The following PDILT variants were observed in gnomAD, a reference collection of about 807,000 sequenced individuals.
The protein encoded by PDILT is protein disulfide isomerase like, testis expressed, also known as protein disulfide-isomerase-like protein of the testis.
Under a neutral mutation model 53.7 loss-of-function variants are expected in PDILT, and 43 were observed. That is an observed-to-expected ratio of 0.80 (90% CI 0.63 to 1.03). PDILT has a LOEUF of 1.03. PDILT is among the 50% of genes least tolerant of loss of function. The pLI is 0.00. For synonymous variants in PDILT, 282 were observed against 274.2 expected, an observed-to-expected ratio of 1.03 and a Z score of -0.28; for missense variants, 727 against 712.3, an observed-to-expected ratio of 1.02 and a Z score of -0.24.
intron 7 of PDILT, among the ~76,000 whole-genome samples, 183 bp from the exon 8 acceptor site, chr16:20,369,872 T>G (rs1966278640): frequency 6.6e-6 from 1 of 152,198 alleles, no homozygotes; most frequent in Non-Finnish European, 1.5e-5. Flanking sequence ...CAGCCTGGCT[T>G]CAGCCTCCTT....
At chr16:20,369,726 C>T in intron 7 of PDILT, 37 bp from the exon 8 acceptor site, 6 of 1,607,746 alleles carry the variant, frequency 3.7e-6, no homozygotes, top group Non-Finnish European at 5.1e-6. Context: ...TCTCTGGATC[C>T]TTTGCCAGTG....
At chr16:20,389,472 G>C (rs553125828) in intron 2 of PDILT, among the ~76,000 whole-genome samples, 1 of 152,256 alleles carries the variant, frequency 6.6e-6, no homozygotes, top group South Asian at 2.1e-4. Context: ...ATTCTCTCTG[G>C]GAAGGGAGGG....
At chr16:20,397,084 C>T (rs1596598924) in intron 2 of PDILT, among the ~76,000 whole-genome samples, 2 of 152,332 alleles carry the variant, frequency 1.3e-5, no homozygotes, top group East Asian at 3.9e-4. Context: ...CATTATTTCA[C>T]TTAATCCCCA....
intron 4 of PDILT, among the ~76,000 whole-genome samples, chr16:20,375,694 T>G (rs1966375560): frequency 6.6e-6 from 1 of 152,304 alleles, no homozygotes; most frequent in East Asian, 1.9e-4. Flanking sequence ...CTATCGGTTT[T>G]AATATATGAG....
intron 10 of PDILT, among the ~76,000 whole-genome samples, chr16:20,360,916 A>C (rs1049874770): frequency 6.6e-6 from 1 of 152,220 alleles, no homozygotes. Context: ...TGGCTGCATT[A>C]CTGCAGTGTG....
Position 20,369,703 on chromosome 16 carries a change from C to A in PDILT, c.919-14G>T. 1 of 1,613,428 alleles carries A rather than the reference C, an allele frequency of 6.2e-7. No individual in the cohort carries two copies. The highest frequency in any genetic ancestry group is 1.1e-5 in the South Asian group (1 of 91,044). On this transcript the variant is annotated splice_polypyrimidine_tract_variant and intron_variant, in intron 7 of 11. Coordinates refer to ENST00000302451, the MANE Select transcript of PDILT (RefSeq NM_174924.2). ...GATGAAAAGGATCTGCCAAAGAAAA[C>A]AAAACCCTTGTCTCTCTGGATCCTT...
Position 20,376,119 on chromosome 16 carries a change from C to T in PDILT, c.492G>A (p.Gln164=), listed in dbSNP as rs1484183794. The T allele has an allele frequency of 1.2e-6, 2 of 1,614,094 alleles. No individual in the cohort carries two copies. The highest frequency in any genetic ancestry group is 2.7e-5 in the African/African-American group (2 of 74,940). The change falls in exon 4 of 12, where the codon CAG becomes CAA. Residue 164 remains glutamine, a synonymous_variant. Transcript: ENST00000302451. ...QKAFLFNSSE[Q]VAEFVISRPL... ...GCCTGGATATCACAAACTCTGCCAC[C>T]TGCTCGCTGCTGTTGAACAAAAATG...
In PDILT at chr16:20,360,594, T is replaced by A. The variant is rs780656770; in HGVS notation, c.1480A>T (p.Lys494Ter). ...TCATCCTCATCCTCAATCTTAGTTT[T>A]GATGTGGCTTTCCAGGAAGTCAGAG... ...GFSDFLESHI[K>*]TKIEDEDELL... is the part of the protein sequence containing the mutation. The change falls in exon 11 of 12, where the codon AAA (lysine) becomes TAA (stop). Residue 494 changes from lysine to a stop codon, truncating the protein, a stop_gained. Coordinates refer to ENST00000302451, the MANE Select transcript of PDILT (RefSeq NM_174924.2). LOFTEE classifies it low-confidence loss of function (END_TRUNC). 2.6e-5 allele frequency: 42 copies of A among 1,613,936 alleles called. No individual in the cohort carries two copies. The highest frequency in any genetic ancestry group is 3.5e-5 in the Non-Finnish European group (41 of 1,179,900).
chr16:20,386,031 G>A (rs948259296), intron 2 of PDILT: 1 of 152,204 alleles, frequency 6.6e-6, no homozygotes, highest in Non-Finnish European at 1.5e-5. Flanking sequence ...AAAACCAGGT[G>A]TGGGGAGGGC....
At chr16:20,366,447 A>T (rs1458738365) in intron 8 of PDILT, among the ~76,000 whole-genome samples, 1 of 152,176 alleles carries the variant, frequency 6.6e-6, no homozygotes, top group Non-Finnish European at 1.5e-5. Context: ...ATAAATTCTC[A>T]TAATGCTCAG....
At chr16:20,397,205 G>A (rs1329694956) in intron 2 of PDILT, among the ~76,000 whole-genome samples, 1 of 152,046 alleles carries the variant, frequency 6.6e-6, no homozygotes, top group Non-Finnish European at 1.5e-5. Flanking sequence ...GCATGATCAC[G>A]GGTCGCTGCA....
chr16:20,363,853 C>T (rs1315220416), intron 9 of PDILT, among the ~76,000 whole-genome samples: 2 of 152,062 alleles, frequency 1.3e-5, no homozygotes, highest in African/African-American at 4.8e-5. Flanking sequence ...TGAGTGTGGT[C>T]CAGGCTCCTG....
intron 3 of PDILT, among the ~76,000 whole-genome samples, chr16:20,377,043 G>C (rs1322313243): frequency 3.3e-5 from 5 of 152,162 alleles, no homozygotes; most frequent in African/African-American, 1.2e-4. Flanking sequence ...CCAGCACTTT[G>C]GGAGACTAAC....
intron 3 of PDILT, among the ~76,000 whole-genome samples, chr16:20,382,520 A>G (rs1196274985): frequency 6.6e-6 from 1 of 152,108 alleles, no homozygotes; most frequent in Non-Finnish European, 1.5e-5. Flanking sequence ...TGCAGAAAAC[A>G]TTTGCTGACT....
chr16:20,374,991 G>A lies in PDILT; in HGVS notation c.544-32C>T, dbSNP rs902038988. On this transcript the variant is annotated intron_variant, in intron 4 of 11. Coordinates refer to ENST00000302451, the MANE Select transcript of PDILT (RefSeq NM_174924.2). The stretch of plus-strand genomic sequence containing the variant: ...GGGAAAGGATGTTTGGAAAGGCTTT[G>A]GTAGAAATCAAGGTGCCTGGTTTAT... 4 of 1,577,954 alleles carry A rather than the reference G, an allele frequency of 2.5e-6. No homozygotes were observed. The African/African-American group carries it at 4.1e-5, about 16-fold the overall frequency.
At chr16:20,383,519 T>G (rs1165371422) in intron 3 of PDILT, among the ~76,000 whole-genome samples, 5 of 147,574 alleles carry the variant, frequency 3.4e-5, no homozygotes, top group African/African-American at 1.2e-4. Context: ...GCCCTGCCCT[T>G]AGGTGATTGC....
rs191024310 is a variant in PDILT at position 20,367,133 on chromosome 16, C to T, written c.1117-1593G>A. 2.4e-4 allele frequency among the ~76,000 whole-genome samples: 35 copies of T among 148,746 alleles called. No homozygotes were observed. The East Asian group carries it at 5.7e-3, about 24-fold the overall frequency. On this transcript the variant is annotated intron_variant, in intron 8 of 11. Transcript: ENST00000302451. ...TTTCTTTCCTTTTGAGACAGAGTCT[C>T]GCTCTGTCACCCAGGCTGGAATGCA...
intron 3 of PDILT, among the ~76,000 whole-genome samples, chr16:20,379,503 C>T (rs11859430): frequency 0.13 from 20,281 of 152,018 alleles, 1,691 homozygotes; most frequent in African/African-American, 0.23. Context: ...TTAGTAGAGA[C>T]GAGGTTTTGC....
chr16:20,392,095 C>A (rs76604388), intron 2 of PDILT, among the ~76,000 whole-genome samples: 1 of 151,936 alleles, frequency 6.6e-6, no homozygotes, highest in African/African-American at 2.4e-5. Context: ...AATAATGAGG[C>A]CTGAACCAAG....
Sources: allele counts gnomAD v4.1 joint callset (sites outside exome capture counted in the v4.1 genomes callset), GRCh38; gene constraint gnomAD v4.1.1; transcripts MANE v1.5; gene names NCBI Gene and HGNC (gene_info 2026-07-23, HGNC 2026-07-21).